Variants in SMARCA1 observed in about 807,000 individuals in gnomAD.
SMARCA1 encodes the protein SWI/SNF-related matrix-associated actin-dependent regulator of chromatin subfamily A member 1.
In SMARCA1, 17 loss-of-function variants were observed where a neutral mutation model predicts 93.6. The observed-to-expected ratio is 0.18, with a 90% CI of 0.12 to 0.27. The LOEUF (loss-of-function observed/expected upper bound fraction) is 0.27, where lower values mean the gene tolerates loss of function less well. Ranked by LOEUF, SMARCA1 falls within the 10% of genes least tolerant of loss-of-function variation. The pLI, the probability that SMARCA1 is intolerant of heterozygous loss-of-function variation, is 1.00. For synonymous variants in SMARCA1, 271 were observed against 271.4 expected (o/e 1.00, Z 0.01); for missense variants, 630 against 819.0 (o/e 0.77, Z 2.82).
intron 17 of SMARCA1, among the ~76,000 whole-genome samples, chrX:129,482,523 G>A (rs912226527): frequency 2.7e-5 from 3 of 111,296 alleles, no homozygotes; most frequent in African/African-American, 9.8e-5. Context: ...TACTTCACTA[G>A]TTATATAACT....
chrX:129,506,896 T>C (rs758548364), intron 7 of SMARCA1, among the ~76,000 whole-genome samples: 1 of 109,966 alleles, frequency 9.1e-6, no homozygotes, highest in Non-Finnish European at 1.9e-5. Context: ...CCCAGACACG[T>C]TCTAACTTGG....
At chrX:129,518,327 C>T (rs761047539) in intron 2 of SMARCA1, 34 bp downstream of exon 2, 2 of 812,009 alleles carry the variant, frequency 2.5e-6, no homozygotes. Context: ...AAATTAATTA[C>T]AGCATTCACT....
chrX:129,447,257 T>C (rs1346701466), intron 24 of SMARCA1, 24 bp from the exon 25 acceptor site: 1 of 1,136,234 alleles, frequency 8.8e-7, no homozygotes, highest in Non-Finnish European at 1.2e-6. Flanking sequence ...AGATTTAATG[T>C]TCTGCTCCAA....
Position 129,490,810 on chromosome X carries a change from G to T in SMARCA1, c.1816-618C>A, listed in dbSNP as rs1002995261. 2.7e-5 allele frequency among the ~76,000 whole-genome samples: 3 copies of T among 110,806 alleles called. No individual in the cohort carries two copies. In the Admixed American group the frequency reaches 2.9e-4, roughly 11 times the overall value. On this transcript the variant is annotated intron_variant, in intron 14 of 24. Transcript: ENST00000371121. ...GGAGGGTGGTAGAGAAAAAAAAAATGTAAGTTCAAAACAGGCCTTGTACTA... is the reference window on the plus strand; with the variant it reads ...GGAGGGTGGTAGAGAAAAAAAAAATTTAAGTTCAAAACAGGCCTTGTACTA...
At chrX:129,474,062 GA>G (rs1276415572) in intron 19 of SMARCA1, among the ~76,000 whole-genome samples, 1 of 111,697 alleles carries the variant, frequency 9.0e-6, no homozygotes, top group Admixed American at 9.5e-5. Flanking sequence ...ATAATAATAA[GA>G]TAAATATCCG....
intron 5 of SMARCA1, among the ~76,000 whole-genome samples, chrX:129,514,010 G>C (rs6529386): frequency 0.12 from 13,947 of 112,118 alleles, 768 homozygotes; most frequent in East Asian, 0.34. Flanking sequence ...CTCTTAAATC[G>C]CATTTTATTA....
At chrX:129,471,140 G>A in intron 20 of SMARCA1, 64 bp downstream of exon 20, 3 of 936,091 alleles carry the variant, frequency 3.2e-6, no homozygotes, top group Non-Finnish European at 4.4e-6. Flanking sequence ...TAAAAAGTGT[G>A]ATCTATATTT....
chrX:129,448,322 G>A lies in SMARCA1; in HGVS notation c.3141+11C>T. 8.3e-7 allele frequency: 1 copy of A among 1,203,064 alleles called. No individual in the cohort carries two copies. Among genetic ancestry groups the A allele is most frequent in the Non-Finnish European group, 1.1e-6 (1 of 889,883 alleles). ...TCTACCTAAAAGTTAGGAAAATGCT[G>A]AAAATTTTACCATTGGAGTTTTAGT... On this transcript the variant is annotated intron_variant, in intron 24 of 24. Transcript: ENST00000371121.
chrX:129,471,899 T>C (rs1181433473), intron 19 of SMARCA1, among the ~76,000 whole-genome samples: 1 of 111,772 alleles, frequency 8.9e-6, no homozygotes, highest in Non-Finnish European at 1.9e-5. Context: ...AGCACACAAA[T>C]AGCTATGATA....
intron 9 of SMARCA1, among the ~76,000 whole-genome samples, chrX:129,501,612 G>A (rs184346571): frequency 9.5e-6 from 1 of 105,403 alleles, no homozygotes; most frequent in African/African-American, 3.5e-5. Context: ...ACTTTTTTTG[G>A]GGGGGGAGGT....
At chrX:129,496,996 C>A (rs987099289) in intron 11 of SMARCA1, 125 bp from the exon 12 acceptor site, 33 of 480,890 alleles carry the variant, frequency 6.9e-5, no homozygotes, top group Non-Finnish European at 1.1e-4. Context: ...CACACACACA[C>A]GTGCACACAC....
At chrX:129,514,263 G>A (rs1935115174) in intron 5 of SMARCA1, among the ~76,000 whole-genome samples, 1 of 111,602 alleles carries the variant, frequency 9.0e-6, no homozygotes, top group Admixed American at 9.4e-5. Flanking sequence ...ATTGCAGTGA[G>A]CCGAGATCAT....
intron 12 of SMARCA1, among the ~76,000 whole-genome samples, chrX:129,495,643 C>T (rs1036672289): frequency 7.2e-5 from 8 of 110,933 alleles, no homozygotes; most frequent in Admixed American, 1.9e-4. Context: ...CAATCCCAAA[C>T]GTTGGTATTA....
At chrX:129,478,764 G>A (rs768049272) in intron 19 of SMARCA1, among the ~76,000 whole-genome samples, 30 of 112,259 alleles carry the variant, frequency 2.7e-4, no homozygotes, top group Middle Eastern at 9.2e-3. Context: ...TTATATCAGA[G>A]ATGATTTTTT....
chrX:129,451,673 G>C (rs1367712353), intron 23 of SMARCA1, among the ~76,000 whole-genome samples: 1 of 106,175 alleles, frequency 9.4e-6, no homozygotes, highest in Non-Finnish European at 1.9e-5. Context: ...CACAGGTCAT[G>C]TCATGTTCTC....
chrX:129,466,095 A>G, intron 21 of SMARCA1, 133 bp from the exon 22 acceptor site: 1 of 286,787 alleles, frequency 3.5e-6, no homozygotes, highest in Non-Finnish European at 6.2e-6. Flanking sequence ...GATTAATCTT[A>G]TATATATAAT....
At chrX:129,517,542 GTTATTT>G (rs1935248342) in intron 2 of SMARCA1, among the ~76,000 whole-genome samples, 1 of 111,099 alleles carries the variant, frequency 9.0e-6, no homozygotes, top group African/African-American at 3.3e-5. Context: ...TCACTGGAAT[GTTATTT>G]TTAGAGTTGT....
At chrX:129,450,342 C>T (rs1423909489) in intron 23 of SMARCA1, among the ~76,000 whole-genome samples, 5 of 111,822 alleles carry the variant, frequency 4.5e-5, no homozygotes, top group South Asian at 7.5e-4. Flanking sequence ...CACCAGAAAC[C>T]AGCCCTGCTG....
At chrX:129,463,916 G>A (rs1438615678) in intron 23 of SMARCA1, among the ~76,000 whole-genome samples, 1 of 111,485 alleles carries the variant, frequency 9.0e-6, no homozygotes, top group Non-Finnish European at 1.9e-5. Context: ...CAGCCTGGGT[G>A]ACAAAGAGTG....
Sources: allele counts gnomAD v4.1 joint callset (sites outside exome capture counted in the v4.1 genomes callset), GRCh38; gene constraint gnomAD v4.1.1; transcripts MANE v1.5; gene names NCBI Gene and HGNC (gene_info 2026-07-23, HGNC 2026-07-21).